The following NT5DC1 variants were observed in gnomAD, a reference collection of about 807,000 sequenced individuals.
NT5DC1 encodes the protein 5'-nucleotidase domain-containing protein 1.
NT5DC1 carries 42 observed loss-of-function variants against 59.4 expected under a neutral mutation model. That is an observed-to-expected ratio of 0.71 (90% CI 0.55 to 0.92). The LOEUF (loss-of-function observed/expected upper bound fraction) is 0.92, where lower values mean the gene tolerates loss of function less well. Ranked by LOEUF, NT5DC1 falls within the 40% of genes least tolerant of loss-of-function variation. The pLI is 0.00. For synonymous variants in NT5DC1, 172 were observed against 188.1 expected (o/e 0.91, Z 0.70); for missense variants, 501 against 537.1 (o/e 0.93, Z 0.66).
At chr6:116,225,277 C>A (rs1781885387) in intron 8 of NT5DC1, among the ~76,000 whole-genome samples, 1 of 151,938 alleles carries the variant, frequency 6.6e-6, no homozygotes, top group Admixed American at 6.6e-5. Flanking sequence ...GCCTGGAGTC[C>A]AAGGGAACAA....
intron 6 of NT5DC1, among the ~76,000 whole-genome samples, chr6:116,163,840 C>A (rs1285012391): frequency 1.3e-5 from 2 of 151,964 alleles, no homozygotes; most frequent in Admixed American, 6.5e-5. Context: ...TTTTTTATTT[C>A]GGCCTCAATT....
At chr6:116,214,602 T>C (rs917064716) in intron 6 of NT5DC1, among the ~76,000 whole-genome samples, 3 of 152,128 alleles carry the variant, frequency 2.0e-5, no homozygotes, top group Non-Finnish European at 2.9e-5. Context: ...CCAAACCTAC[T>C]GAATCAGAAA....
At chr6:116,223,177 A>G (rs1279584254) in intron 8 of NT5DC1, 46 bp downstream of exon 8, 1 of 996,846 alleles carries the variant, frequency 1.0e-6, no homozygotes, top group African/African-American at 1.6e-5. Context: ...CAGTTGGCTA[A>G]CAACCTTGTG....
intron 7 of NT5DC1, among the ~76,000 whole-genome samples, chr6:116,222,116 T>C (rs1416010179): frequency 2.6e-5 from 4 of 152,168 alleles, no homozygotes; most frequent in African/African-American, 7.2e-5. Flanking sequence ...GTTTCTTCTA[T>C]GGTATGCTTA....
chr6:116,182,942 CTT>C (rs1780920510), intron 6 of NT5DC1, among the ~76,000 whole-genome samples: 2 of 152,050 alleles, frequency 1.3e-5, no homozygotes, highest in Admixed American at 6.6e-5. Flanking sequence ...ATCATGAAGT[CTT>C]TGCCTAAACC....
chr6:116,122,007 G>C, intron 6 of NT5DC1: 1 of 1,525,350 alleles, frequency 6.6e-7, no homozygotes, highest in South Asian at 1.1e-5. Context: ...GGGATGGTTA[G>C]TGACATTAAA....
chr6:116,232,977 A>G (rs185453730), intron 8 of NT5DC1, among the ~76,000 whole-genome samples: 77 of 152,202 alleles, frequency 5.1e-4, no homozygotes, highest in African/African-American at 1.8e-3. Flanking sequence ...GTTTTTTGGT[A>G]GTTTGTAGGC....
intron 6 of NT5DC1, among the ~76,000 whole-genome samples, chr6:116,128,930 A>T (rs767371382): frequency 6.6e-6 from 1 of 152,156 alleles, no homozygotes; most frequent in Admixed American, 6.6e-5. Flanking sequence ...ACTTTTTTAC[A>T]GAAAACTTGT....
At chr6:116,127,635 AAAGTAGGT>A (rs1393860746) in intron 6 of NT5DC1, among the ~76,000 whole-genome samples, 3 of 152,154 alleles carry the variant, frequency 2.0e-5, no homozygotes, top group African/African-American at 7.2e-5. Flanking sequence ...CAATTTTGAA[AAAGTAGGT>A]GAGGTAACTT....
At chr6:116,169,623 CCTG>C (rs545227185) in intron 6 of NT5DC1, among the ~76,000 whole-genome samples, 173 of 152,270 alleles carry the variant, frequency 1.1e-3, no homozygotes, top group Non-Finnish European at 2.0e-3. Flanking sequence ...GCCTGTAGTA[CCTG>C]CTATCTGCTA....
In NT5DC1 at chr6:116,238,345, T is replaced by C; in HGVS notation, c.1080T>C (p.Tyr360=). 1 of 1,593,004 alleles carries C rather than the reference T, an allele frequency of 6.3e-7. No homozygotes were observed. Among genetic ancestry groups the C allele is most frequent in the African/African-American group, 1.4e-5 (1 of 73,606 alleles). ...AGCCTCTAGAGAAGAAAGGAAAATA[T>C]GAGGTAAGGGTTCCCTGCAGCTCTT... is the stretch of plus-strand genomic sequence containing the variant. ...ESEPLEKKGK[Y]EGPKAKPLNT... is the part of the protein sequence containing the mutation. The change falls in exon 10 of 12, where the codon TAT becomes TAC. Residue 360 remains tyrosine (Y), a synonymous_variant. Coordinates refer to ENST00000319550, the MANE Select transcript of NT5DC1 (RefSeq NM_152729.3).
intron 6 of NT5DC1, among the ~76,000 whole-genome samples, chr6:116,150,189 T>C (rs1419737702): frequency 6.6e-6 from 1 of 152,224 alleles, no homozygotes; most frequent in Non-Finnish European, 1.5e-5. Flanking sequence ...TGTATGTTTT[T>C]AAAACATTAC....
chr6:116,118,030 C>G (rs1779002561), intron 6 of NT5DC1, 85 bp downstream of exon 6: 2 of 766,606 alleles, frequency 2.6e-6, no homozygotes, highest in Non-Finnish European at 4.8e-6. Flanking sequence ...AGGTACTTTG[C>G]TGTGTATCTT....
intron 6 of NT5DC1, among the ~76,000 whole-genome samples, chr6:116,197,075 G>C (rs973776283): frequency 1.3e-5 from 2 of 151,736 alleles, no homozygotes; most frequent in Admixed American, 6.6e-5. Flanking sequence ...GAGCCAGAGG[G>C]TCACGGGAAG....
intron 6 of NT5DC1, among the ~76,000 whole-genome samples, chr6:116,181,923 T>C (rs1275165463): frequency 6.6e-6 from 1 of 152,126 alleles, no homozygotes; most frequent in Non-Finnish European, 1.5e-5. Context: ...GGTGGTTACA[T>C]GAATAAGTTC....
intron 6 of NT5DC1, among the ~76,000 whole-genome samples, chr6:116,126,873 A>G (rs1392025489): frequency 6.6e-6 from 1 of 152,148 alleles, no homozygotes; most frequent in Non-Finnish European, 1.5e-5. Flanking sequence ...TATTGGCTTA[A>G]CTTGCAGTTA....
intron 4 of NT5DC1, among the ~76,000 whole-genome samples, chr6:116,113,412 T>G (rs1180474736): frequency 6.6e-6 from 1 of 152,198 alleles, no homozygotes; most frequent in African/African-American, 2.4e-5. Flanking sequence ...ACTTAATGGT[T>G]ATAGGACTTG....
chr6:116,177,577 A>G (rs1474375781), intron 6 of NT5DC1, among the ~76,000 whole-genome samples: 1 of 152,198 alleles, frequency 6.6e-6, no homozygotes, highest in Non-Finnish European at 1.5e-5. Context: ...ATGTATTTAG[A>G]AGTAAAATAT....
chr6:116,139,650 A>G (rs1443248459), intron 6 of NT5DC1, among the ~76,000 whole-genome samples: 1 of 152,158 alleles, frequency 6.6e-6, no homozygotes, highest in Non-Finnish European at 1.5e-5. Context: ...GCACTTTACG[A>G]TCTAGTTTTT....
Sources: allele counts gnomAD v4.1 joint callset (sites outside exome capture counted in the v4.1 genomes callset), GRCh38; gene constraint gnomAD v4.1.1; transcripts MANE v1.5; gene names NCBI Gene and HGNC (gene_info 2026-07-23, HGNC 2026-07-21).